BCAS4: variants seen among roughly 807,000 people sequenced by gnomAD.
BCAS4 encodes breast carcinoma-amplified sequence 4.
BCAS4 carries 9 observed loss-of-function variants against 15.7 expected under a neutral mutation model. The observed-to-expected ratio is 0.57, with a 90% confidence interval of 0.34 to 1.00. BCAS4 has a LOEUF of 1.00. Ranked by LOEUF, BCAS4 falls within the 50% of genes least tolerant of loss-of-function variation. The pLI is 0.02. For synonymous variants in BCAS4, 101 were observed against 99.5 expected, an observed-to-expected ratio of 1.02 and a Z score of -0.09; for missense variants, 225 against 239.1, an observed-to-expected ratio of 0.94 and a Z score of 0.39.
chr20:50,858,707 CTT>C (rs61324054), intron 4 of BCAS4, among the ~76,000 whole-genome samples: 31 of 136,492 alleles, frequency 2.3e-4, no homozygotes, highest in Admixed American at 6.9e-4. Flanking sequence ...TACAACCATC[CTT>C]TTTTTTTTTT....
rs1239907266 is a variant in BCAS4, at chr20:50,841,812, A to T, written c.311A>T (p.Asp104Val). 1.9e-6 allele frequency: 3 copies of T among 1,613,830 alleles called. No individual in the cohort carries two copies. Among genetic ancestry groups the T allele is most frequent in the Non-Finnish European group, 2.5e-6 (3 of 1,179,974 alleles). Residue 104 changes from aspartate (D) to valine (V), a missense_variant, in exon 4 of 5, where the codon GAC becomes GTC. Coordinates refer to ENST00000371608, the MANE Select transcript of BCAS4 (RefSeq NM_198799.4). ...VGHHVAFLEADVLQAERDHGA... is the reference protein window; with the variant it reads ...VGHHVAFLEAVVLQAERDHGA... ...CACCACGTCGCCTTCCTGGAAGCAGACGTGCTTCAGGCTGAGCGGGACCAT... is the reference window on the plus strand; with the variant it reads ...CACCACGTCGCCTTCCTGGAAGCAGTCGTGCTTCAGGCTGAGCGGGACCAT...
chr20:50,845,892 C>T (rs544914386), intron 4 of BCAS4, among the ~76,000 whole-genome samples: 2 of 152,354 alleles, frequency 1.3e-5, no homozygotes, highest in South Asian at 4.1e-4. Flanking sequence ...GGGCAGGCTG[C>T]CCGCTGCCCA....
chr20:50,877,177 AG>A (rs1216466972), downstream of BCAS4: 3 of 152,568 alleles, frequency 2.0e-5, no homozygotes, highest in African/African-American at 7.2e-5. Context: ...TCAAGAGCTC[AG>A]CCCTGGTCTG....
intron 1 of BCAS4, among the ~76,000 whole-genome samples, chr20:50,804,239 A>G (rs148246357): frequency 0.033 from 5,024 of 152,148 alleles, 99 homozygotes; most frequent in African/African-American, 0.051. Flanking sequence ...GGGTTTCACC[A>G]TGTTGGCCAG....
At chr20:50,866,050 G>T (rs1326396980) in intron 4 of BCAS4, among the ~76,000 whole-genome samples, 1 of 152,118 alleles carries the variant, frequency 6.6e-6, no homozygotes, top group Non-Finnish European at 1.5e-5. Context: ...GAGCTCAGAA[G>T]AGCCCAGTTG....
Position 50,851,636 on chromosome 20 carries a change from AAGC to A in BCAS4, c.399+9741_399+9743del, listed in dbSNP as rs912383002. 2.6e-4 allele frequency among the ~76,000 whole-genome samples: 40 copies of A among 152,092 alleles called. No individual in the cohort carries two copies. Among genetic ancestry groups the A allele is most frequent in the African/African-American group, 9.2e-4 (38 of 41,480 alleles). ...GGACCCTCAACATGCCCTTCTCTCA[AAGC>A]AGCACCACCGTCAGGGGCATCCCCT... On this transcript the variant is annotated intron_variant, in intron 4 of 4. Coordinates refer to ENST00000371608, the MANE Select transcript of BCAS4 (RefSeq NM_198799.4). This position sits in a 1 kb window ranked among gnomAD's most constrained non-coding sequence, Gnocchi z 4.3.
In BCAS4 at chr20:50,830,361, C is replaced by T; in HGVS notation, c.245C>T (p.Ala82Val). 1 of 1,613,470 alleles carries T rather than the reference C, an allele frequency of 6.2e-7. No homozygotes were observed. Among genetic ancestry groups the T allele is most frequent in the South Asian group, 1.1e-5 (1 of 90,908 alleles). The change falls in exon 3 of 5, where the codon GCC becomes GTC. Residue 82 changes from alanine (A) to valine (V), a missense_variant. Transcript: ENST00000371608. ...AKLTEMRGIY[A>V]KVDRLEAFVK... ...CTGACAGAAATGCGTGGCATCTATGCCAAAGTGGACCGGCTAGAGGTACGT... is the reference window on the plus strand; with the variant it reads ...CTGACAGAAATGCGTGGCATCTATGTCAAAGTGGACCGGCTAGAGGTACGT...
At chr20:50,879,641 C>G (rs12480447), downstream of BCAS4, 65,827 of 152,154 alleles carry the variant, frequency 0.43, 15,466 homozygotes, top group African/African-American at 0.63. Context: ...TCCTCCCAGC[C>G]CCTGAAACAG....
chr20:50,860,145 C>G (rs1322778238), intron 4 of BCAS4, among the ~76,000 whole-genome samples: 1 of 152,096 alleles, frequency 6.6e-6, no homozygotes, highest in Non-Finnish European at 1.5e-5. Flanking sequence ...GGAAAAAGAA[C>G]ACAGAGAGAT....
intron 1 of BCAS4, among the ~76,000 whole-genome samples, chr20:50,811,804 G>C (rs2088066757): frequency 6.6e-6 from 1 of 151,996 alleles, no homozygotes; most frequent in Non-Finnish European, 1.5e-5. Flanking sequence ...TGTAGTTTTA[G>C]TAAAGATGGG....
At chr20:50,818,575 C>T (rs965782652) in intron 2 of BCAS4, among the ~76,000 whole-genome samples, 7 of 152,220 alleles carry the variant, frequency 4.6e-5, no homozygotes, top group African/African-American at 1.4e-4. Flanking sequence ...GTGGCACTCT[C>T]GGGCACCGAT....
intron 4 of BCAS4, among the ~76,000 whole-genome samples, chr20:50,852,405 A>G (rs1978485088): frequency 6.6e-6 from 1 of 151,362 alleles, no homozygotes; most frequent in Admixed American, 6.6e-5. Context: ...TTTCTTTTTT[A>G]TAGTTACACT....
chr20:50,809,206 A>AT (rs57620086), intron 1 of BCAS4, among the ~76,000 whole-genome samples: 31 of 146,772 alleles, frequency 2.1e-4, no homozygotes, highest in East Asian at 1.6e-3. Context: ...TATTTTTTTA[A>AT]TTTTTTTTTT....
chr20:50,863,201 A>G (rs923657117), intron 4 of BCAS4, among the ~76,000 whole-genome samples: 1 of 147,846 alleles, frequency 6.8e-6, no homozygotes, highest in African/African-American at 2.5e-5. Context: ...TATTTGTGCA[A>G]CCTGACAACA....
intron 4 of BCAS4, among the ~76,000 whole-genome samples, chr20:50,864,432 ATGAT>A (rs1325962280): frequency 7.0e-6 from 1 of 142,624 alleles, no homozygotes; most frequent in African/African-American, 2.8e-5. Flanking sequence ...ACTATTGATC[ATGAT>A]TGATTTTTTT....
intron 2 of BCAS4, among the ~76,000 whole-genome samples, chr20:50,823,688 A>G (rs2088244215): frequency 1.3e-5 from 2 of 152,210 alleles, no homozygotes. Context: ...ATTTAAAAAG[A>G]AAAGCTTGAC....
intron 3 of BCAS4, among the ~76,000 whole-genome samples, chr20:50,834,214 T>C (rs2088378626): frequency 1.3e-5 from 2 of 152,074 alleles, no homozygotes; most frequent in Non-Finnish European, 2.9e-5. Context: ...ATTATTCTTT[T>C]TTTGATTCAT....
chr20:50,820,334 G>A (rs1456181384), intron 2 of BCAS4, among the ~76,000 whole-genome samples: 7 of 152,220 alleles, frequency 4.6e-5, no homozygotes, highest in African/African-American at 1.7e-4. Flanking sequence ...TCCAGAGCCA[G>A]GGGTGCTAAG....
At chr20:50,855,802 C>T (rs79107257) in intron 4 of BCAS4, among the ~76,000 whole-genome samples, 3,522 of 152,370 alleles carry the variant, frequency 0.023, 51 homozygotes, top group East Asian at 0.049. Context: ...CTGTTAGTAA[C>T]AACAGCCATG....
Sources: allele counts gnomAD v4.1 joint callset (sites outside exome capture counted in the v4.1 genomes callset), GRCh38; gene constraint gnomAD v4.1.1; non-coding constraint Gnocchi (gnomAD v3.1); transcripts MANE v1.5; gene names NCBI Gene and HGNC (gene_info 2026-07-23, HGNC 2026-07-21).